Variants in SYT14 observed in about 807,000 individuals in gnomAD.
SYT14 encodes the protein synaptotagmin 14, also known as synaptotagmin-14.
In SYT14, 32 loss-of-function variants were observed where a neutral mutation model predicts 74.2. The observed-to-expected ratio is 0.43, with a 90% CI of 0.33 to 0.58. The LOEUF (loss-of-function observed/expected upper bound fraction) is 0.58. Among genes scored for constraint, SYT14 ranks in the 20% least tolerant of loss-of-function variants. The pLI is 0.05. For synonymous variants in SYT14, 298 were observed against 337.7 expected (o/e 0.88, Z 1.29); for missense variants, 791 against 981.8 (o/e 0.81, Z 2.60).
chr1:210,000,466 GCACACACA>G lies in SYT14; in HGVS notation c.-485-13140_-485-13133del, dbSNP rs375046637. Among the ~76,000 whole-genome samples, 778 of 143,202 alleles carry G rather than the reference GCACACACA, an allele frequency of 5.4e-3. 3 individuals carry two copies. Among genetic ancestry groups the G allele is most frequent in the African/African-American group, 0.016 (606 of 37,860 alleles). 93.9% of individuals were successfully genotyped at this position (143,202 alleles called of 152,430 possible). A position where few individuals can be genotyped will look rare whatever the true frequency, so the allele number is the denominator to read the frequency against. On this transcript the variant is annotated intron_variant, in intron 2 of 9. Transcript: ENST00000637265. ...TTATTTTAGTCCTTTGTCCTCATAC[GCACACACA>G]CACACACACACACACACACACACAC... is the stretch of plus-strand genomic sequence containing the variant.
chr1:210,128,645 T>C (rs748900040), intron 7 of SYT14, among the ~76,000 whole-genome samples: 10 of 152,222 alleles, frequency 6.6e-5, no homozygotes, highest in East Asian at 1.9e-4. Context: ...TACCCTCTTA[T>C]GTCCTACAGA....
chr1:210,069,635 A>G, intron 5 of SYT14, among the ~76,000 whole-genome samples: 1 of 151,826 alleles, frequency 6.6e-6, no homozygotes, highest in East Asian at 2.0e-4. Context: ...TTGTTAAGTT[A>G]TCTTTTTTAT....
At chr1:210,164,176 A>T (rs1159196829) in exon 10 of SYT14, 2 of 375,066 alleles carry the variant, frequency 5.3e-6, no homozygotes, top group East Asian at 1.5e-4. Context: ...TTGTGTCTTC[A>T]GTACAATCCA....
intron 5 of SYT14, among the ~76,000 whole-genome samples, chr1:210,066,684 A>G (rs1230439464): frequency 2.0e-5 from 3 of 151,874 alleles, no homozygotes; most frequent in Non-Finnish European, 2.9e-5. Context: ...TTGCCTGTTC[A>G]CTCTGATGGT....
At chr1:210,020,171 A>G (rs1377870921) in intron 4 of SYT14, among the ~76,000 whole-genome samples, 1 of 152,142 alleles carries the variant, frequency 6.6e-6, no homozygotes, top group African/African-American at 2.4e-5. Context: ...TTCTCATAAC[A>G]TGATATTGTA....
At chr1:210,040,539 G>A (rs1467626859) in intron 5 of SYT14, among the ~76,000 whole-genome samples, 1 of 151,722 alleles carries the variant, frequency 6.6e-6, no homozygotes, top group Non-Finnish European at 1.5e-5. Context: ...AAACCAAAGT[G>A]ATATTAGCTC....
At chr1:210,021,574 C>T (rs1174138056) in intron 5 of SYT14, among the ~76,000 whole-genome samples, 17 of 152,318 alleles carry the variant, frequency 1.1e-4, no homozygotes, top group Admixed American at 9.8e-4. Flanking sequence ...GAATTGGTTT[C>T]TCTATACCTG....
chr1:210,094,630 T>C, intron 6 of SYT14, 37 bp downstream of exon 5: 1 of 1,606,890 alleles, frequency 6.2e-7, no homozygotes, highest in East Asian at 2.2e-5. Flanking sequence ...AAATGAATGT[T>C]ATTTGGAGGA....
In SYT14 at chr1:209,990,549, G is replaced by GTATGTA. The variant is rs2079651827; in HGVS notation, c.-485-23081_-485-23080insGTATAT. Among the ~76,000 whole-genome samples, 3 of 56,892 alleles carry GTATGTA rather than the reference G, an allele frequency of 5.3e-5. No individual in the cohort carries two copies. The Admixed American group carries it at 8.1e-4, about 15-fold the overall frequency. 37.3% of individuals were successfully genotyped at this position (56,892 alleles called of 152,430 possible). A position where few individuals can be genotyped will look rare whatever the true frequency, so the allele number is the denominator to read the frequency against. On this transcript the variant is annotated intron_variant, in intron 2 of 9. Transcript: ENST00000637265. ...CATATATATATATACGTATATATAT[G>GTATGTA]TATATATATACGTATATATATGTAT...
chr1:210,023,028 T>G (rs1329630534), intron 5 of SYT14, among the ~76,000 whole-genome samples: 1 of 152,180 alleles, frequency 6.6e-6, no homozygotes, highest in East Asian at 1.9e-4. Context: ...CAGAATCACC[T>G]TCTCATTTTA....
chr1:210,024,054 C>T (rs968702970), intron 5 of SYT14, among the ~76,000 whole-genome samples: 1 of 152,020 alleles, frequency 6.6e-6, no homozygotes, highest in African/African-American at 2.4e-5. Context: ...GAGAGAAATC[C>T]ACTTGGCTCC....
chr1:209,987,436 G>A (rs2102823820), intron 2 of SYT14, among the ~76,000 whole-genome samples: 1 of 152,294 alleles, frequency 6.6e-6, no homozygotes, highest in African/African-American at 2.4e-5. Context: ...GACATGAAGT[G>A]GGAGCAAGCA....
intron 1 of SYT14, among the ~76,000 whole-genome samples, chr1:209,946,938 A>G (rs1230854752): frequency 6.6e-6 from 1 of 152,228 alleles, no homozygotes; most frequent in Non-Finnish European, 1.5e-5. Flanking sequence ...TGGGTTCTTA[A>G]GGATGCTAAA....
At chr1:210,020,545 C>G (rs187791216) in intron 4 of SYT14, among the ~76,000 whole-genome samples, 279 of 152,274 alleles carry the variant, frequency 1.8e-3, no homozygotes, top group African/African-American at 6.2e-3. Context: ...ACTGCTAGCA[C>G]TGAGCATTAT....
intron 2 of SYT14, among the ~76,000 whole-genome samples, chr1:209,996,360 G>A (rs1312335712): frequency 6.6e-6 from 1 of 152,106 alleles, no homozygotes; most frequent in East Asian, 1.9e-4. Flanking sequence ...TAGAGGAAGT[G>A]TATAAAATCC....
intron 2 of SYT14, among the ~76,000 whole-genome samples, chr1:210,012,757 A>G (rs2080109969): frequency 6.7e-6 from 1 of 149,256 alleles, no homozygotes; most frequent in South Asian, 2.1e-4. Context: ...GCTGGAGTGC[A>G]GTGGCGCGAT....
At chr1:210,052,411 C>T (rs890500767) in intron 5 of SYT14, among the ~76,000 whole-genome samples, 3 of 151,978 alleles carry the variant, frequency 2.0e-5, no homozygotes, top group Admixed American at 2.0e-4. Context: ...GCCTGTAATC[C>T]CAGCACCCTG....
intron 2 of SYT14, among the ~76,000 whole-genome samples, chr1:209,959,836 A>G (rs763427205): frequency 3.9e-4 from 60 of 152,174 alleles, no homozygotes; most frequent in Non-Finnish European, 7.8e-4. Flanking sequence ...AAATATTCTG[A>G]AATTAGATAG....
At chr1:210,006,133 A>T (rs573203968) in intron 2 of SYT14, among the ~76,000 whole-genome samples, 1 of 151,942 alleles carries the variant, frequency 6.6e-6, no homozygotes, top group South Asian at 2.1e-4. Context: ...TTGTCCCTTT[A>T]AGTTACTCAC....
Sources: allele counts gnomAD v4.1 joint callset (sites outside exome capture counted in the v4.1 genomes callset), GRCh38; gene constraint gnomAD v4.1.1; transcripts MANE v1.5; gene names NCBI Gene and HGNC (gene_info 2026-07-23, HGNC 2026-07-21).